Variants in DLG2 observed in about 807,000 individuals in gnomAD.
DLG2 encodes the protein discs large MAGUK scaffold protein 2, also known as disks large homolog 2.
A neutral mutation model predicts 132.5 loss-of-function variants in DLG2; 45 were observed. The ratio of observed to expected loss-of-function variants is 0.34; its 90% CI spans 0.27 to 0.44. DLG2 has a LOEUF of 0.44. DLG2 is among the 20% of genes least tolerant of loss of function. The probability of loss-of-function intolerance (pLI) is 1.00; values close to 1 mark genes in which losing one functional copy is unlikely to be tolerated. For missense variants in DLG2, 1,045 were observed against 1,196.9 expected (o/e 0.87, Z 1.87); for synonymous variants, 424 against 419.6 (o/e 1.01, Z -0.13).
chr11:84,507,162 G>A (rs2099243740), intron 7 of DLG2, among the ~76,000 whole-genome samples: 1 of 152,120 alleles, frequency 6.6e-6, no homozygotes. Flanking sequence ...TATTCATAGA[G>A]CACTGTCAGG....
chr11:84,069,422 C>T (rs1226172211), intron 10 of DLG2, among the ~76,000 whole-genome samples: 1 of 152,136 alleles, frequency 6.6e-6, no homozygotes, highest in Admixed American at 6.5e-5. Context: ...ACCACAGCTG[C>T]CATAATGTGT....
chr11:84,731,165 T>C (rs2063106902), intron 6 of DLG2, among the ~76,000 whole-genome samples: 1 of 152,124 alleles, frequency 6.6e-6, no homozygotes, highest in Admixed American at 6.6e-5. Context: ...TTGGAAGATG[T>C]GCATTGTATT....
chr11:84,662,786 C>CAAAAAAAAAAA (rs752017709), intron 6 of DLG2, among the ~76,000 whole-genome samples: 1 of 80,292 alleles, frequency 1.2e-5, no homozygotes, highest in African/African-American at 4.5e-5. Flanking sequence ...GACTCTGTCA[C>CAAAAAAAAAAA]AAAAAAAAAA....
At chr11:84,208,911 G>A (rs2096713843) in intron 8 of DLG2, among the ~76,000 whole-genome samples, 1 of 152,036 alleles carries the variant, frequency 6.6e-6, no homozygotes, top group Non-Finnish European at 1.5e-5. Flanking sequence ...AAGCAGAAAA[G>A]GAAGGTTAGA....
chr11:84,808,442 G>A (rs968578397), intron 6 of DLG2, among the ~76,000 whole-genome samples: 31 of 151,594 alleles, frequency 2.0e-4, no homozygotes, highest in South Asian at 1.9e-3. Context: ...AAACCAACGC[G>A]AACAGAAGGA....
At chr11:83,482,773 AC>A (rs1194184920) in intron 22 of DLG2, among the ~76,000 whole-genome samples, 1 of 152,174 alleles carries the variant, frequency 6.6e-6, no homozygotes, top group African/African-American at 2.4e-5. Context: ...TGACTACGAA[AC>A]AGCTCCTTTA....
intron 27 of DLG2, among the ~76,000 whole-genome samples, chr11:83,461,007 T>G (rs1229403092): frequency 2.6e-5 from 2 of 75,996 alleles, no homozygotes; most frequent in African/African-American, 4.1e-5. Flanking sequence ...GGGTTTTTTT[T>G]TTTTTTTTTT....
At chr11:85,349,286 A>G (rs1158688733) in intron 3 of DLG2, among the ~76,000 whole-genome samples, 2 of 152,170 alleles carry the variant, frequency 1.3e-5, no homozygotes, top group African/African-American at 4.8e-5. Flanking sequence ...AAATACAAGC[A>G]TGACAGACAG....
rs1392360970 is a variant in DLG2, at chr11:84,267,281, G to A, written c.520-15990C>T. 3.9e-5 allele frequency among the ~76,000 whole-genome samples: 6 copies of A among 152,292 alleles called. No individual in the cohort carries two copies. The East Asian group carries it at 1.2e-3, about 29-fold the overall frequency. On this transcript the variant is annotated intron_variant, in intron 7 of 27. Coordinates refer to ENST00000376104, the MANE Select transcript of DLG2 (RefSeq NM_001142699.3). ...TTTCCCTACTCTTATTTTTCCTCAGGGGGATGTTAATCAGGGTTGAAGTAA... is the reference window on the plus strand; with the variant it reads ...TTTCCCTACTCTTATTTTTCCTCAGAGGGATGTTAATCAGGGTTGAAGTAA...
chr11:84,874,226 C>T (rs559627253), intron 6 of DLG2, among the ~76,000 whole-genome samples: 11 of 152,202 alleles, frequency 7.2e-5, no homozygotes, highest in African/African-American at 2.2e-4. Context: ...TATGAGAATC[C>T]TGACTATCTT....
intron 7 of DLG2, among the ~76,000 whole-genome samples, chr11:84,454,079 G>C (rs1016688519): frequency 6.6e-5 from 10 of 151,666 alleles, no homozygotes; most frequent in Admixed American, 5.3e-4. Flanking sequence ...GGTTGCCTCA[G>C]GGAAAAAATA....
chr11:84,651,738 T>C (rs2099682309), intron 6 of DLG2, among the ~76,000 whole-genome samples: 1 of 152,206 alleles, frequency 6.6e-6, no homozygotes, highest in African/African-American at 2.4e-5. Flanking sequence ...ACTTGTATAA[T>C]CTATGGGAAA....
chr11:84,901,350 G>A (rs960383815), intron 6 of DLG2, among the ~76,000 whole-genome samples: 2 of 151,984 alleles, frequency 1.3e-5, no homozygotes, highest in Non-Finnish European at 2.9e-5. Context: ...CTAGGTCTCC[G>A]CAATATATCC....
intron 7 of DLG2, among the ~76,000 whole-genome samples, chr11:84,489,303 C>A (rs1307393772): frequency 6.6e-6 from 1 of 152,108 alleles, no homozygotes; most frequent in African/African-American, 2.4e-5. Context: ...CTTTCTTCTA[C>A]ATTTTAGTAT....
chr11:85,463,339 T>C (rs192279601), intron 3 of DLG2, among the ~76,000 whole-genome samples: 335 of 152,282 alleles, frequency 2.2e-3, no homozygotes, highest in African/African-American at 7.5e-3. Context: ...TCTTGAATAA[T>C]CCTCAGAATT....
At chr11:84,189,748 A>G (rs1270724203) in intron 8 of DLG2, among the ~76,000 whole-genome samples, 3 of 152,188 alleles carry the variant, frequency 2.0e-5, no homozygotes, top group Non-Finnish European at 2.9e-5. Flanking sequence ...ACATGTTCTC[A>G]TTTGTAAGTG....
rs575176926 is a variant in DLG2, at chr11:85,503,206, A to G, written c.40+95451T>C. ...ATTACACTGTACCATTATATTTTAT[A>G]CTTTTTTGCATTCAAGCTTTTTAAG... On this transcript the variant is annotated intron_variant, in intron 3 of 27. Transcript: ENST00000376104. Among the ~76,000 whole-genome samples, 5 of 152,268 alleles carry G rather than the reference A, an allele frequency of 3.3e-5. No individual in the cohort carries two copies. The South Asian group carries it at 1.0e-3, about 32-fold the overall frequency.
chr11:84,885,873 A>G (rs941480109), intron 6 of DLG2, among the ~76,000 whole-genome samples: 2 of 152,142 alleles, frequency 1.3e-5, no homozygotes, highest in Non-Finnish European at 2.9e-5. Context: ...AGATAACTCA[A>G]TAATATTGAG....
At chr11:84,685,388 C>T (rs1235047567) in intron 6 of DLG2, among the ~76,000 whole-genome samples, 2 of 152,208 alleles carry the variant, frequency 1.3e-5, no homozygotes, top group Non-Finnish European at 2.9e-5. Context: ...AATACAGAAT[C>T]TAGACATGAT....
Sources: allele counts gnomAD v4.1 joint callset (sites outside exome capture counted in the v4.1 genomes callset), GRCh38; gene constraint gnomAD v4.1.1; transcripts MANE v1.5; gene names NCBI Gene and HGNC (gene_info 2026-07-23, HGNC 2026-07-21).